LRFN5: variants seen among roughly 807,000 people sequenced by gnomAD.
The protein encoded by LRFN5 is leucine-rich repeat and fibronectin type-III domain-containing protein 5.
Under a neutral mutation model 45.6 loss-of-function variants are expected in LRFN5, and 24 were observed. The ratio of observed to expected loss-of-function variants is 0.53; its 90% CI spans 0.38 to 0.74. LRFN5 has a LOEUF of 0.74. LRFN5 is among the 30% of genes least tolerant of loss of function. The pLI, the probability that LRFN5 is intolerant of heterozygous loss-of-function variation, is 0.00. For missense variants in LRFN5, 776 were observed against 861.5 expected, an observed-to-expected ratio of 0.90 and a Z score of 1.24; for synonymous variants, 340 against 313.8, an observed-to-expected ratio of 1.08 and a Z score of -0.88.
chr14:41,682,144 G>A (rs562675456), intron 1 of LRFN5, among the ~76,000 whole-genome samples: 1 of 151,984 alleles, frequency 6.6e-6, no homozygotes, highest in African/African-American at 2.4e-5. Flanking sequence ...TAAGTAAAAA[G>A]ACTAACCAAT....
At chr14:41,784,650 A>G (rs990974650) in intron 2 of LRFN5, among the ~76,000 whole-genome samples, 4 of 151,528 alleles carry the variant, frequency 2.6e-5, no homozygotes, top group Non-Finnish European at 1.5e-5. Flanking sequence ...TGTGTGTGTG[A>G]CAGAGTCTCG....
chr14:41,658,083 G>T (rs1407100587), intron 1 of LRFN5, among the ~76,000 whole-genome samples: 1 of 151,862 alleles, frequency 6.6e-6, no homozygotes, highest in African/African-American at 2.4e-5. Flanking sequence ...AAATCTTATA[G>T]CTAAAATATG....
chr14:41,715,836 A>T (rs1360483801), intron 1 of LRFN5, among the ~76,000 whole-genome samples: 1 of 151,764 alleles, frequency 6.6e-6, no homozygotes, highest in Non-Finnish European at 1.5e-5. Context: ...TCCAGTAGGG[A>T]CTCTGTGTGG....
chr14:41,873,204 C>A (rs1170219653), intron 2 of LRFN5, among the ~76,000 whole-genome samples: 1 of 152,128 alleles, frequency 6.6e-6, no homozygotes, highest in Non-Finnish European at 1.5e-5. Flanking sequence ...AAAACTGCAT[C>A]TTGATCCTAT....
chr14:41,856,684 T>A (rs1346576491), intron 2 of LRFN5, among the ~76,000 whole-genome samples: 1 of 51,728 alleles, frequency 1.9e-5, no homozygotes, highest in African/African-American at 7.9e-5. Context: ...TATTTTTTTT[T>A]TTTTTTTTTT....
intron 1 of LRFN5, chr14:41,700,916 A>G (rs1034839674): frequency 1.3e-5 from 2 of 152,108 alleles, no homozygotes; most frequent in Non-Finnish European, 2.9e-5. Context: ...GATTTTGAAC[A>G]TAGTGGTGTA....
At chr14:41,742,154 T>C (rs1884724022) in intron 1 of LRFN5, among the ~76,000 whole-genome samples, 1 of 151,816 alleles carries the variant, frequency 6.6e-6, no homozygotes, top group South Asian at 2.1e-4. Context: ...CCAAAAATGT[T>C]ACTTTTGGAT....
At chr14:41,623,599 G>A (rs1386744378) in intron 1 of LRFN5, among the ~76,000 whole-genome samples, 1 of 152,068 alleles carries the variant, frequency 6.6e-6, no homozygotes, top group Admixed American at 6.6e-5. Context: ...GTGGTTTTAA[G>A]ATCAGTTTTA....
At chr14:41,674,078 AC>A (rs576618356) in intron 1 of LRFN5, among the ~76,000 whole-genome samples, 1 of 140,110 alleles carries the variant, frequency 7.1e-6, no homozygotes, top group Non-Finnish European at 1.5e-5. Flanking sequence ...CGGGGGGCTG[AC>A]CCCCCCACCT....
intron 2 of LRFN5, among the ~76,000 whole-genome samples, chr14:41,776,964 T>C (rs1886314904): frequency 6.6e-6 from 1 of 152,056 alleles, no homozygotes; most frequent in Non-Finnish European, 1.5e-5. Context: ...ATGTATCCTT[T>C]ACACATTGAA....
chr14:41,752,172 C>T (rs1447757384), intron 1 of LRFN5, among the ~76,000 whole-genome samples: 2 of 152,130 alleles, frequency 1.3e-5, no homozygotes, highest in Non-Finnish European at 2.9e-5. Flanking sequence ...CATTTATGGA[C>T]ATTTGGGTTG....
intron 1 of LRFN5, among the ~76,000 whole-genome samples, chr14:41,654,682 A>G (rs572589822): frequency 1.1e-4 from 16 of 152,196 alleles, no homozygotes; most frequent in African/African-American, 3.9e-4. Flanking sequence ...TGCATGGTAG[A>G]ATAAGAAGAG....
chr14:41,728,828 G>A (rs1026527125), intron 1 of LRFN5, among the ~76,000 whole-genome samples: 1 of 152,070 alleles, frequency 6.6e-6, no homozygotes, highest in Non-Finnish European at 1.5e-5. Context: ...GACAAAAATG[G>A]CATCTTTAAT....
chr14:41,898,575 C>T lies in LRFN5; in HGVS notation c.2099-342C>T, dbSNP rs186584642. Among the ~76,000 whole-genome samples the T allele has an allele frequency of 2.0e-5, 3 of 152,040 alleles. No individual in the cohort carries two copies. In the East Asian group the frequency reaches 5.8e-4, roughly 29 times the overall value. ...TGATGAATCTATATAGATGAAATGTCAACTGTGAGTAAGAAAATGAACAGA... is the reference window on the plus strand; with the variant it reads ...TGATGAATCTATATAGATGAAATGTTAACTGTGAGTAAGAAAATGAACAGA... On this transcript the variant is annotated intron_variant, in intron 4 of 5. Transcript: ENST00000298119.
At chr14:41,788,030 C>G (rs1886790746) in intron 2 of LRFN5, among the ~76,000 whole-genome samples, 1 of 152,076 alleles carries the variant, frequency 6.6e-6, no homozygotes, top group Non-Finnish European at 1.5e-5. Flanking sequence ...GTCTGAAAAC[C>G]AGGAAAAGAG....
chr14:41,747,792 T>C (rs1238101027), intron 1 of LRFN5, among the ~76,000 whole-genome samples: 1 of 151,968 alleles, frequency 6.6e-6, no homozygotes, highest in Non-Finnish European at 1.5e-5. Flanking sequence ...ATCCTGAATA[T>C]ATAGAGAACT....
chr14:41,756,673 G>T (rs568018681), intron 1 of LRFN5, among the ~76,000 whole-genome samples: 3 of 152,136 alleles, frequency 2.0e-5, no homozygotes, highest in Non-Finnish European at 4.4e-5. Flanking sequence ...TTTTTTTCAA[G>T]GTTTTTAACT....
At chr14:41,844,625 C>T (rs561775814) in intron 2 of LRFN5, among the ~76,000 whole-genome samples, 198 of 152,092 alleles carry the variant, frequency 1.3e-3, no homozygotes, top group African/African-American at 4.6e-3. Context: ...TACACATAAC[C>T]ATGGTATGCT....
intron 2 of LRFN5, among the ~76,000 whole-genome samples, chr14:41,867,349 C>T (rs1339714163): frequency 6.7e-6 from 1 of 149,300 alleles, no homozygotes; most frequent in Non-Finnish European, 1.5e-5. Flanking sequence ...CATATGCACA[C>T]ATCTGTGTGT....
Sources: allele counts gnomAD v4.1 joint callset (sites outside exome capture counted in the v4.1 genomes callset), GRCh38; gene constraint gnomAD v4.1.1; transcripts MANE v1.5; gene names NCBI Gene and HGNC (gene_info 2026-07-23, HGNC 2026-07-21).